TUBA1C: variants seen among roughly 807,000 people sequenced by gnomAD.
The protein encoded by TUBA1C is tubulin alpha 1c.
In TUBA1C, 16 loss-of-function variants were observed where a neutral mutation model predicts 34.9. The observed-to-expected ratio is 0.46, with a 90% CI of 0.31 to 0.70. The LOEUF is 0.70. Ranked by LOEUF, TUBA1C falls within the 30% of genes least tolerant of loss-of-function variation. The pLI is 0.05. For missense variants in TUBA1C, 329 were observed against 587.3 expected (o/e 0.56, Z 4.55); for synonymous variants, 177 against 215.9 (o/e 0.82, Z 1.58).
chr12:49,254,139 C>A (rs2137004964), intron 1 of TUBA1C, among the ~76,000 whole-genome samples: 1 of 152,088 alleles, frequency 6.6e-6, no homozygotes, highest in African/African-American at 2.4e-5. Flanking sequence ...CGGAGAAACC[C>A]CGTCTCTACT....
intron 1 of TUBA1C, among the ~76,000 whole-genome samples, chr12:49,250,913 A>C (rs1942726094): frequency 6.6e-6 from 1 of 152,116 alleles, no homozygotes; most frequent in Admixed American, 6.5e-5. Flanking sequence ...TGAATTTAAA[A>C]AACAATCTTC....
At chr12:49,257,136 A>C (rs1447450741) in intron 1 of TUBA1C, among the ~76,000 whole-genome samples, 4 of 149,632 alleles carry the variant, frequency 2.7e-5, no homozygotes, top group African/African-American at 7.4e-5. Context: ...GTCCAGATCA[A>C]GCCACTCCAT....
chr12:49,252,844 C>G (rs910232679), intron 1 of TUBA1C, among the ~76,000 whole-genome samples: 7 of 151,676 alleles, frequency 4.6e-5, no homozygotes, highest in Non-Finnish European at 8.8e-5. Context: ...ACCCGGGAGG[C>G]GGAGGTTGCG....
intron 1 of TUBA1C, among the ~76,000 whole-genome samples, chr12:49,258,864 T>C (rs7974890): frequency 0.9 from 136,144 of 151,930 alleles, 61,273 homozygotes; most frequent in East Asian, 1. Flanking sequence ...TCAAACAATT[T>C]TCTTGCCTCA....
chr12:49,265,828 T>TA (rs1160648595), intron 1 of TUBA1C, among the ~76,000 whole-genome samples: 1 of 152,134 alleles, frequency 6.6e-6, no homozygotes, highest in Non-Finnish European at 1.5e-5. Flanking sequence ...AAGCCGGGTT[T>TA]AAAAACACGT....
intron 1 of TUBA1C, among the ~76,000 whole-genome samples, chr12:49,259,778 C>G (rs1313780805): frequency 1.3e-5 from 2 of 152,186 alleles, no homozygotes; most frequent in African/African-American, 4.8e-5. Context: ...GATATTCTCT[C>G]TAGTATTCAG....
In TUBA1C at chr12:49,273,217, A is replaced by G; in HGVS notation, c.1340A>G (p.Glu447Gly). The change falls in exon 4 of 4, where the codon GAA (glutamate) becomes GGA (glycine). Residue 447 changes from glutamate to glycine, a missense_variant. This residue lies in a region of TUBA1C where 34 missense variants were observed against 31.8 expected (regional missense o/e 1.07). Transcript: ENST00000301072. ...ADSADGEDEGEEY is the reference protein window; with the variant it reads ...ADSADGEDEGGEY ...AGTGCTGACGGAGAGGATGAGGGTG[A>G]AGAGTATTAACCTGTGTGCTGTACT... is the stretch of plus-strand genomic sequence containing the variant. 1 of 1,614,240 alleles carries G rather than the reference A, an allele frequency of 6.2e-7. No individual in the cohort carries two copies. Among genetic ancestry groups the G allele is most frequent in the Middle Eastern group, 1.6e-4 (1 of 6,062 alleles).
At chr12:49,263,344 TC>T (rs1275421852), upstream of TUBA1C, among the ~76,000 whole-genome samples, 2 of 151,900 alleles carry the variant, frequency 1.3e-5, no homozygotes, top group African/African-American at 4.8e-5. Flanking sequence ...CCTATCCCAC[TC>T]CCACTTCCCT....
Position 49,265,627 on chromosome 12 carries a change from C to G in TUBA1C, c.3+443C>G, listed in dbSNP as rs144215551. Among the ~76,000 whole-genome samples the G allele has an allele frequency of 7.9e-3, 1,206 of 152,358 alleles. 5 individuals carry two copies. The highest frequency in any genetic ancestry group is 0.01 in the Non-Finnish European group (704 of 68,032). ...ACGGTGCAGCACTTCCTGGCTCCCC[C>G]TCTCCAGCGCCCAGTGACTCGCTGC... On this transcript the variant is annotated intron_variant, in intron 1 of 3. Coordinates refer to ENST00000301072, the MANE Select transcript of TUBA1C (RefSeq NM_032704.5).
chr12:49,265,149 CT>C lies in TUBA1C; in HGVS notation c.-31del. ...ATCCTTGTTGCCGTCCCTTCGCCTC[CT>C]TCACCGCCGCAGACCCCTTCAAGTT... On this transcript the variant is annotated 5_prime_UTR_variant, in exon 1 of 4. Coordinates refer to ENST00000301072, the MANE Select transcript of TUBA1C (RefSeq NM_032704.5). 6.3e-7 allele frequency: 1 copy of C among 1,598,766 alleles called. No individual in the cohort carries two copies.
chr12:49,256,333 C>T lies in TUBA1C; in HGVS notation c.214-13132C>T, dbSNP rs959091046. On this transcript the variant is annotated intron_variant, in intron 1 of 3. Coordinates refer to the TUBA1C transcript ENST00000541364. Reference sequence around the variant, plus strand: ...CGTGCAGAGTAAAGAGAAAGAACAGCGTGAATTTAAAATTTGTTTCTTTGT... The same window carrying T: ...CGTGCAGAGTAAAGAGAAAGAACAGTGTGAATTTAAAATTTGTTTCTTTGT... The T allele has an allele frequency of 1.0e-4, 44 of 419,662 alleles. No homozygotes were observed. The Admixed American group carries it at 1.1e-3, about 10-fold the overall frequency. 26.0% of individuals were successfully genotyped at this position (419,662 alleles called of 1,614,324 possible).
At chr12:49,270,250 C>A (rs1183375421) in intron 3 of TUBA1C, 2 of 579,886 alleles carry the variant, frequency 3.4e-6, no homozygotes, top group Admixed American at 5.9e-5. Flanking sequence ...AGGTAGCTGA[C>A]TTCTACATGT....
intron 1 of TUBA1C, among the ~76,000 whole-genome samples, chr12:49,240,180 G>A (rs1042117568): frequency 6.6e-6 from 1 of 150,766 alleles, no homozygotes; most frequent in Non-Finnish European, 1.5e-5. Flanking sequence ...TTGAACTCAG[G>A]ATTCAAATAT....
At chr12:49,234,648 A>G (rs1190622172) in intron 1 of TUBA1C, among the ~76,000 whole-genome samples, 1 of 152,116 alleles carries the variant, frequency 6.6e-6, no homozygotes, top group Non-Finnish European at 1.5e-5. Flanking sequence ...CCCGCCCGCC[A>G]CGAAGGCCAC....
intron 1 of TUBA1C, among the ~76,000 whole-genome samples, chr12:49,240,754 A>C (rs1304434697): frequency 2.0e-4 from 30 of 151,824 alleles, no homozygotes. Context: ...CACTGGACTA[A>C]TTTTTTTTAT....
chr12:49,231,964 T>G (rs1942502384), intron 1 of TUBA1C, among the ~76,000 whole-genome samples: 1 of 152,222 alleles, frequency 6.6e-6, no homozygotes, highest in Non-Finnish European at 1.5e-5. Context: ...CCTGAGCCAT[T>G]AGATCATCTA....
rs571282888 is a variant in TUBA1C at position 49,252,209 on chromosome 12, G to A, written c.214-17256G>A. On this transcript the variant is annotated intron_variant, in intron 1 of 3. Coordinates refer to the TUBA1C transcript ENST00000541364. ...GCACAGGTTAGGATGTTTTTGCTCT[G>A]TAAGGCATTAACCAGTTTTGTATCT... Among the ~76,000 whole-genome samples, 6 of 152,300 alleles carry A rather than the reference G, an allele frequency of 3.9e-5. No homozygotes were observed. In the South Asian group the frequency reaches 1.2e-3, roughly 32 times the overall value.
intron 1 of TUBA1C, chr12:49,257,893 C>G (rs1389180380): frequency 5.8e-6 from 1 of 172,988 alleles, no homozygotes; most frequent in Non-Finnish European, 1.3e-5. Flanking sequence ...GAGTCTCACT[C>G]TACTGCCCAG....
At chr12:49,233,926 C>T (rs936197466) in intron 1 of TUBA1C, 2 of 152,292 alleles carry the variant, frequency 1.3e-5, no homozygotes, top group African/African-American at 4.8e-5. Context: ...GTTGCAGTTC[C>T]CGGCAACAGG....
Sources: gnomAD v4.1 joint callset for allele counts (sites outside exome capture counted in the v4.1 genomes callset) on GRCh38, gnomAD v4.1.1 for gene constraint, gnomAD v4.1.1 regional missense constraint, MANE v1.5 for transcripts, NCBI Gene and HGNC (gene_info 2026-07-23, HGNC 2026-07-21) for gene names.